PTPRM: variants seen among roughly 807,000 people sequenced by gnomAD.
The protein encoded by PTPRM is protein tyrosine phosphatase receptor type M, also known as receptor-type tyrosine-protein phosphatase mu.
PTPRM carries 47 observed loss-of-function variants against 186.7 expected under a neutral mutation model. That is an observed-to-expected ratio of 0.25 (90% CI 0.20 to 0.32). The LOEUF (loss-of-function observed/expected upper bound fraction) is 0.32. PTPRM is among the 10% of genes least tolerant of loss of function. PTPRM has a pLI of 1.00. For missense variants in PTPRM, 1,494 were observed against 1,865.0 expected (o/e 0.80, Z 3.66); for synonymous variants, 668 against 674.9 (o/e 0.99, Z 0.16).
At chr18:8,169,904 T>C (rs996390186) in intron 14 of PTPRM, among the ~76,000 whole-genome samples, 1 of 152,238 alleles carries the variant, frequency 6.6e-6, no homozygotes, top group African/African-American at 2.4e-5. Context: ...TTTACACTCC[T>C]GTCTTTTGGA....
chr18:7,686,772 G>A (rs1380893141), intron 1 of PTPRM, among the ~76,000 whole-genome samples: 1 of 152,104 alleles, frequency 6.6e-6, no homozygotes, highest in South Asian at 2.1e-4. Flanking sequence ...CAGTTTATGG[G>A]TAAGTGATCA....
At chr18:7,763,087 C>T (rs187195965) in intron 1 of PTPRM, among the ~76,000 whole-genome samples, 17 of 152,162 alleles carry the variant, frequency 1.1e-4, no homozygotes, top group African/African-American at 4.1e-4. Context: ...GGTGGGAGAC[C>T]AGCATAATGT....
At chr18:8,073,579 A>T (rs2089621018) in intron 8 of PTPRM, among the ~76,000 whole-genome samples, 1 of 152,170 alleles carries the variant, frequency 6.6e-6, no homozygotes, top group Non-Finnish European at 1.5e-5. Context: ...AATTATTTTC[A>T]TATTTATGTG....
chr18:8,239,107 T>C (rs185161131), intron 14 of PTPRM, among the ~76,000 whole-genome samples: 3,147 of 149,232 alleles, frequency 0.021, 56 homozygotes, highest in Non-Finnish European at 0.031. Context: ...AACTCGTCAT[T>C]TAGCATTAGG....
intron 13 of PTPRM, among the ~76,000 whole-genome samples, chr18:8,132,108 A>G (rs1426174485): frequency 2.0e-5 from 3 of 152,210 alleles, no homozygotes; most frequent in African/African-American, 4.8e-5. Context: ...CAAAACACAT[A>G]CTGGCATACC....
At chr18:7,982,282 T>G (rs1019165990) in intron 7 of PTPRM, among the ~76,000 whole-genome samples, 2 of 146,506 alleles carry the variant, frequency 1.4e-5, no homozygotes, top group African/African-American at 2.6e-5. Context: ...TTTAAGTTTT[T>G]ACTTTTTTTT....
Position 8,305,494 on chromosome 18 carries a change from C to A in PTPRM, c.2842+9039C>A, listed in dbSNP as rs141938364. ...ATAATATAGGCAGTATTGTTATTCC[C>A]ATTTTACAGTTGGGGAAACTGAGGC... is the stretch of plus-strand genomic sequence containing the variant. On this transcript the variant is annotated intron_variant, in intron 20 of 32. Coordinates refer to ENST00000580170, the MANE Select transcript of PTPRM (RefSeq NM_001105244.2). 6.8e-3 allele frequency among the ~76,000 whole-genome samples: 1,042 copies of A among 152,282 alleles called. 8 individuals carry two copies. Among genetic ancestry groups the A allele is most frequent in the African/African-American group, 0.022 (909 of 41,566 alleles).
At chr18:8,229,327 C>T (rs746765089) in intron 14 of PTPRM, among the ~76,000 whole-genome samples, 6 of 152,044 alleles carry the variant, frequency 3.9e-5, no homozygotes, top group Non-Finnish European at 8.8e-5. Flanking sequence ...CAGTGGCTTC[C>T]AAGTACGTAA....
chr18:8,126,332 A>T (rs1046965353), intron 13 of PTPRM, among the ~76,000 whole-genome samples: 1 of 151,696 alleles, frequency 6.6e-6, no homozygotes, highest in Non-Finnish European at 1.5e-5. Flanking sequence ...TACTTTATGC[A>T]AGATTACAAA....
At chr18:8,195,456 G>A (rs190805102) in intron 14 of PTPRM, among the ~76,000 whole-genome samples, 4 of 152,212 alleles carry the variant, frequency 2.6e-5, no homozygotes, top group South Asian at 2.1e-4. Context: ...AAAAGAAAGC[G>A]CTATTCACAA....
At position 8,253,349 on chromosome 18, in the gene PTPRM, G is replaced by C. The variant is rs953974998; in HGVS notation, c.2689G>C (p.Asp897His). The C allele has an allele frequency of 1.9e-6, 3 of 1,597,546 alleles. No homozygotes were observed. Among genetic ancestry groups the C allele is most frequent in the Admixed American group, 3.5e-5 (2 of 57,724 alleles). ...GQLHPAIRVA[D>H]LLQHITQMKC... The stretch of plus-strand genomic sequence containing the variant: ...GCTCCACCCCGCCATCCGGGTGGCA[G>C]ACCTCCTTCAGCACATCACACAGAT... Residue 897 changes from aspartate to histidine, a missense_variant, in exon 19 of 33, where the codon GAC (aspartate) becomes CAC (histidine). Asp to His is a moderately conservative substitution (Grantham distance 81, BLOSUM62 -1). Around this residue, in one of 3 missense-constraint regions of PTPRM, gnomAD observed 1,107 missense variants for 1,350.2 expected, o/e 0.82. Coordinates refer to ENST00000580170, the MANE Select transcript of PTPRM (RefSeq NM_001105244.2).
intron 13 of PTPRM, among the ~76,000 whole-genome samples, chr18:8,130,939 G>A (rs915506177): frequency 7.2e-5 from 11 of 152,192 alleles, no homozygotes; most frequent in African/African-American, 1.9e-4. Context: ...GAGACATCGA[G>A]TGCAAAAATG....
chr18:7,838,333 C>T (rs2046155991), intron 2 of PTPRM, among the ~76,000 whole-genome samples: 1 of 152,190 alleles, frequency 6.6e-6, no homozygotes, highest in African/African-American at 2.4e-5. Flanking sequence ...TACCTCCCCC[C>T]AGGACCCTCC....
intron 14 of PTPRM, among the ~76,000 whole-genome samples, chr18:8,152,046 A>G (rs978041408): frequency 6.6e-6 from 1 of 151,924 alleles, no homozygotes; most frequent in African/African-American, 2.4e-5. Context: ...TGCAGAAATC[A>G]CCCACCTTCT....
intron 8 of PTPRM, 95 bp downstream of exon 8, chr18:8,070,089 C>A: frequency 8.6e-7 from 1 of 1,159,052 alleles, no homozygotes; most frequent in Non-Finnish European, 1.2e-6. Context: ...GAAGAAAGAA[C>A]TACTTATTTT....
intron 1 of PTPRM, among the ~76,000 whole-genome samples, chr18:7,578,231 A>C (rs929330131): frequency 7.9e-5 from 12 of 152,030 alleles, no homozygotes; most frequent in African/African-American, 2.4e-4. Context: ...TGGCATGATC[A>C]TAGCTCACTG....
At chr18:8,376,786 C>G in intron 26 of PTPRM, 189 bp downstream of exon 26, 1 of 685,128 alleles carries the variant, frequency 1.5e-6, no homozygotes, top group Non-Finnish European at 2.2e-6. Context: ...ACAAACCAAA[C>G]AAACCCAGGA....
intron 20 of PTPRM, among the ~76,000 whole-genome samples, chr18:8,304,412 T>C (rs1443247899): frequency 6.6e-6 from 1 of 152,144 alleles, no homozygotes; most frequent in Non-Finnish European, 1.5e-5. Context: ...CGCTAAGCAC[T>C]GGTTTGTTGT....
In PTPRM at chr18:8,263,409, G is replaced by A. The variant is rs541496594; in HGVS notation, c.2754+9995G>A. Among the ~76,000 whole-genome samples, 3 of 152,130 alleles carry A rather than the reference G, an allele frequency of 2.0e-5. No individual in the cohort carries two copies. In the South Asian group the frequency reaches 6.2e-4, roughly 32 times the overall value. ...CAGGTGTGAGCCACCACTCCCAGCT[G>A]AGGATGAACATTTTTAATACATGTT... On this transcript the variant is annotated intron_variant, in intron 19 of 32. Transcript: ENST00000580170.
Sources: allele counts gnomAD v4.1 joint callset (sites outside exome capture counted in the v4.1 genomes callset), GRCh38; gene constraint gnomAD v4.1.1; regional missense constraint gnomAD v4.1.1; transcripts MANE v1.5; gene names NCBI Gene and HGNC (gene_info 2026-07-23, HGNC 2026-07-21).